The following CNTNAP2 variants were observed in gnomAD, a reference collection of about 807,000 sequenced individuals.
CNTNAP2 encodes contactin associated protein 2.
Under a neutral mutation model 155.2 loss-of-function variants are expected in CNTNAP2, and 98 were observed. That is an observed-to-expected ratio of 0.63 (90% CI 0.54 to 0.75). The LOEUF is 0.75. CNTNAP2 is among the 30% of genes least tolerant of loss of function. The pLI, the probability that CNTNAP2 is intolerant of heterozygous loss-of-function variation, is 0.00. For missense variants in CNTNAP2, 1,727 were observed against 1,688.1 expected (o/e 1.02, Z -0.40); for synonymous variants, 651 against 631.2 (o/e 1.03, Z -0.47).
chr7:147,905,139 C>T (rs975613856), intron 14 of CNTNAP2, among the ~76,000 whole-genome samples: 2 of 152,240 alleles, frequency 1.3e-5, no homozygotes, highest in Non-Finnish European at 2.9e-5. Flanking sequence ...CCTGTCCTGA[C>T]TCACATTCTT....
intron 15 of CNTNAP2, among the ~76,000 whole-genome samples, chr7:148,020,078 C>T (rs1322918837): frequency 6.6e-6 from 1 of 152,176 alleles, no homozygotes; most frequent in African/African-American, 2.4e-5. Context: ...TGAGCCACCA[C>T]ACCTGGCCAG....
At chr7:148,183,323 T>C (rs1280060181) in intron 18 of CNTNAP2, among the ~76,000 whole-genome samples, 1 of 152,194 alleles carries the variant, frequency 6.6e-6, no homozygotes, top group Non-Finnish European at 1.5e-5. Flanking sequence ...CACCTAATTC[T>C]GAGGGCGTAA....
At chr7:146,531,601 A>G (rs1797770586) in intron 1 of CNTNAP2, among the ~76,000 whole-genome samples, 1 of 152,116 alleles carries the variant, frequency 6.6e-6, no homozygotes, top group African/African-American at 2.4e-5. Context: ...GCTGGAGTGC[A>G]ATGGCATGAT....
At chr7:147,748,914 T>A (rs1270667701) in intron 13 of CNTNAP2, among the ~76,000 whole-genome samples, 3 of 152,292 alleles carry the variant, frequency 2.0e-5, no homozygotes, top group Middle Eastern at 3.4e-3. Flanking sequence ...TTCCTACAGA[T>A]CTGCATGTAG....
chr7:146,826,857 T>TATATAGAGAGAGAG (rs773069615), intron 2 of CNTNAP2, among the ~76,000 whole-genome samples: 17 of 138,968 alleles, frequency 1.2e-4, no homozygotes, highest in Admixed American at 3.7e-4. Context: ...TATATATATA[T>TATATAGAGAGAGAG]AGAGAGAGAG....
chr7:148,016,086 C>T (rs10261595), intron 15 of CNTNAP2, among the ~76,000 whole-genome samples: 16,039 of 152,192 alleles, frequency 0.11, 1,175 homozygotes, highest in East Asian at 0.24. Flanking sequence ...AGTTCTATTT[C>T]CTTTGGGCTC....
chr7:147,960,835 T>C (rs1801106648), intron 14 of CNTNAP2, among the ~76,000 whole-genome samples: 1 of 151,768 alleles, frequency 6.6e-6, no homozygotes, highest in Admixed American at 6.6e-5. Flanking sequence ...TCCTTCTCTC[T>C]CTCTGTCTCT....
intron 8 of CNTNAP2, among the ~76,000 whole-genome samples, chr7:147,155,662 C>T (rs1584760622): frequency 6.6e-6 from 1 of 152,050 alleles, no homozygotes; most frequent in South Asian, 2.1e-4. Context: ...TAATATATGA[C>T]ATGTATTGTA....
At position 148,147,428 on chromosome 7, in the gene CNTNAP2, T is replaced by C; in HGVS notation, c.2555-63T>C. On this transcript the variant is annotated intron_variant, in intron 16 of 23. Transcript: ENST00000361727. ...TCCCTGCTTTGTTTGTCGTCTAGAA[T>C]TTACTGCTATTTGGTATCTGGGAGA... The C allele has an allele frequency of 2.7e-6, 4 of 1,493,896 alleles. No homozygotes were observed. The South Asian group carries it at 4.5e-5, about 17-fold the overall frequency. 92.5% of individuals were successfully genotyped at this position (1,493,896 alleles called of 1,614,324 possible).
At chr7:148,107,432 C>T (rs918508642) in intron 15 of CNTNAP2, among the ~76,000 whole-genome samples, 2 of 152,138 alleles carry the variant, frequency 1.3e-5, no homozygotes, top group African/African-American at 4.8e-5. Context: ...GTGTTGCAGC[C>T]GTGAAACAGG....
intron 15 of CNTNAP2, among the ~76,000 whole-genome samples, chr7:148,012,854 G>A (rs1472971589): frequency 6.6e-6 from 1 of 152,186 alleles, no homozygotes; most frequent in Non-Finnish European, 1.5e-5. Context: ...ACCCTGGCAT[G>A]TATTGTGTGG....
chr7:146,864,990 T>TAAAAAAAA (rs55646482), intron 3 of CNTNAP2, among the ~76,000 whole-genome samples: 6 of 83,994 alleles, frequency 7.1e-5, no homozygotes, highest in African/African-American at 2.7e-4. Flanking sequence ...AGAGTCTATC[T>TAAAAAAAA]AAAAAAAAAA....
intron 5 of CNTNAP2, among the ~76,000 whole-genome samples, chr7:147,109,555 A>C (rs941004709): frequency 2.0e-5 from 3 of 152,154 alleles, no homozygotes; most frequent in African/African-American, 7.2e-5. Flanking sequence ...AATATTGAGT[A>C]GGAGAAAATG....
chr7:147,933,285 A>G (rs896465967), intron 14 of CNTNAP2, among the ~76,000 whole-genome samples: 3 of 152,164 alleles, frequency 2.0e-5, no homozygotes, highest in Non-Finnish European at 2.9e-5. Flanking sequence ...AATTAAAAGT[A>G]GAGTTGCCAT....
At chr7:147,434,514 G>A (rs979169594) in intron 10 of CNTNAP2, among the ~76,000 whole-genome samples, 1 of 152,188 alleles carries the variant, frequency 6.6e-6, no homozygotes, top group East Asian at 1.9e-4. Flanking sequence ...GAAGGAAAAA[G>A]AAATCAAGAA....
At chr7:147,386,990 C>T (rs1796636001) in intron 9 of CNTNAP2, among the ~76,000 whole-genome samples, 1 of 152,052 alleles carries the variant, frequency 6.6e-6, no homozygotes, top group East Asian at 1.9e-4. Flanking sequence ...TGGATGGTGG[C>T]AGGCAAAGAG....
chr7:148,279,981 G>A (rs1796943375), intron 21 of CNTNAP2, among the ~76,000 whole-genome samples: 1 of 152,144 alleles, frequency 6.6e-6, no homozygotes, highest in Admixed American at 6.6e-5. Context: ...TAGGACAGGA[G>A]GGAAGGGGAA....
intron 14 of CNTNAP2, among the ~76,000 whole-genome samples, chr7:147,925,162 G>A (rs1800366299): frequency 1.5e-5 from 2 of 132,100 alleles, no homozygotes; most frequent in South Asian, 2.5e-4. Flanking sequence ...AGAGAAGGAA[G>A]GAAGGAAGGA....
intron 9 of CNTNAP2, among the ~76,000 whole-genome samples, chr7:147,380,618 C>T (rs1335350874): frequency 1.3e-5 from 2 of 152,054 alleles, no homozygotes; most frequent in East Asian, 1.9e-4. Context: ...CAAGAGCCCA[C>T]GCTACACAAA....
Sources: gnomAD v4.1 joint callset for allele counts (sites outside exome capture counted in the v4.1 genomes callset) on GRCh38, gnomAD v4.1.1 for gene constraint, MANE v1.5 for transcripts, NCBI Gene and HGNC (gene_info 2026-07-23, HGNC 2026-07-21) for gene names.